FER: variants seen among roughly 807,000 people sequenced by gnomAD.
FER encodes the protein tyrosine-protein kinase Fer.
Under a neutral mutation model 111.0 loss-of-function variants are expected in FER, and 63 were observed. The observed-to-expected ratio is 0.57, with a 90% CI of 0.46 to 0.70. The LOEUF (loss-of-function observed/expected upper bound fraction) is 0.70. FER is among the 30% of genes least tolerant of loss of function. The pLI is 0.00. For synonymous variants in FER, 327 were observed against 313.9 expected, an observed-to-expected ratio of 1.04 and a Z score of -0.44; for missense variants, 914 against 954.0, an observed-to-expected ratio of 0.96 and a Z score of 0.55.
Position 109,034,093 on chromosome 5 carries a change from C to G in FER, c.1657-3329C>G, listed in dbSNP as rs190539946. On this transcript the variant is annotated intron_variant, in intron 13 of 19. Transcript: ENST00000281092. ...AATAGATCTTGGAAACTTACTCCTC[C>G]CATCTAACTGAGACTTTGTACCATT... Among the ~76,000 whole-genome samples, 81 of 152,234 alleles carry G rather than the reference C, an allele frequency of 5.3e-4. 2 individuals carry two copies. The East Asian group carries it at 0.014, about 26-fold the overall frequency.
intron 1 of FER, among the ~76,000 whole-genome samples, chr5:108,766,042 A>G (rs1350630877): frequency 6.6e-6 from 1 of 151,650 alleles, no homozygotes; most frequent in East Asian, 1.9e-4. Context: ...TGATCCTCCC[A>G]CCTTAGCCTC....
At chr5:108,930,669 G>T (rs1206448727) in intron 10 of FER, among the ~76,000 whole-genome samples, 2 of 135,196 alleles carry the variant, frequency 1.5e-5, no homozygotes, top group African/African-American at 5.7e-5. Context: ...CTCCCAGGCT[G>T]GTTGTGCCAT....
intron 3 of FER, among the ~76,000 whole-genome samples, chr5:108,824,843 A>G (rs1759280138): frequency 6.6e-6 from 1 of 152,072 alleles, no homozygotes; most frequent in South Asian, 2.1e-4. Flanking sequence ...CTATTTTCCT[A>G]AGCGTCGGCT....
chr5:109,189,238 A>C lies in FER; in HGVS notation c.*1663A>C, dbSNP rs1181450860. 1 of 121,654 alleles carries C rather than the reference A, an allele frequency of 8.2e-6. No individual in the cohort carries two copies. The highest frequency in any genetic ancestry group is 7.8e-5 in the Admixed American group (1 of 12,872). 7.5% of individuals were successfully genotyped at this position (121,654 alleles called of 1,614,324 possible). A position where few individuals can be genotyped will look rare whatever the true frequency, so the allele number is the denominator to read the frequency against. On this transcript the variant is annotated 3_prime_UTR_variant, in exon 20 of 20. Coordinates refer to ENST00000281092, the MANE Select transcript of FER (RefSeq NM_005246.4). ...GTTGCCTCTCAGGATAAATGCATAT[A>C]TAGAAGATGGTCATGCTCAGGGCTA...
intron 13 of FER, among the ~76,000 whole-genome samples, chr5:108,981,819 C>CT (rs1762040629): frequency 6.6e-6 from 1 of 152,054 alleles, no homozygotes; most frequent in Admixed American, 6.6e-5. Flanking sequence ...GACATTTTGA[C>CT]TTGAGGGTAT....
chr5:108,910,242 T>G (rs1451022667), intron 10 of FER, among the ~76,000 whole-genome samples: 2 of 152,202 alleles, frequency 1.3e-5, no homozygotes, highest in African/African-American at 4.8e-5. Context: ...TAGAAATTAA[T>G]GAACTGTTAA....
At chr5:108,886,173 A>G (rs1172648715) in intron 9 of FER, among the ~76,000 whole-genome samples, 1 of 151,764 alleles carries the variant, frequency 6.6e-6, no homozygotes, top group Non-Finnish European at 1.5e-5. Flanking sequence ...TCCCTAATCT[A>G]GAAGTTATGA....
chr5:109,084,220 T>G (rs544869735), intron 16 of FER, among the ~76,000 whole-genome samples: 1 of 152,066 alleles, frequency 6.6e-6, no homozygotes, highest in Non-Finnish European at 1.5e-5. Flanking sequence ...TAATTTTGCC[T>G]ATTTTTGAAC....
At chr5:109,053,527 C>T (rs986344815) in intron 16 of FER, among the ~76,000 whole-genome samples, 3 of 152,042 alleles carry the variant, frequency 2.0e-5, no homozygotes, top group Admixed American at 1.3e-4. Flanking sequence ...CACAGCCAAC[C>T]ACTAAGGTGC....
At chr5:108,984,719 A>C (rs1394081082) in intron 13 of FER, among the ~76,000 whole-genome samples, 1 of 150,772 alleles carries the variant, frequency 6.6e-6, no homozygotes, top group Non-Finnish European at 1.5e-5. Flanking sequence ...GTACGTGGGG[A>C]AACTGTAACA....
intron 9 of FER, among the ~76,000 whole-genome samples, chr5:108,887,428 G>A (rs894843668): frequency 1.3e-5 from 2 of 151,582 alleles, no homozygotes; most frequent in Admixed American, 1.3e-4. Flanking sequence ...TGGCTTTTAT[G>A]TGATTTTAAA....
intron 17 of FER, among the ~76,000 whole-genome samples, chr5:109,128,318 G>C (rs1023465010): frequency 2.0e-5 from 3 of 151,944 alleles, no homozygotes; most frequent in Non-Finnish European, 4.4e-5. Flanking sequence ...ACATTTGTAA[G>C]TGTAATAATG....
intron 13 of FER, among the ~76,000 whole-genome samples, chr5:109,011,431 TG>T (rs2149803960): frequency 6.6e-6 from 1 of 152,348 alleles, no homozygotes; most frequent in South Asian, 2.1e-4. Flanking sequence ...GTACATTAAC[TG>T]GAATTTGTTT....
chr5:109,119,215 T>C (rs1382095097), intron 17 of FER, among the ~76,000 whole-genome samples: 1 of 152,212 alleles, frequency 6.6e-6, no homozygotes, highest in Non-Finnish European at 1.5e-5. Flanking sequence ...TGTGTGTTTG[T>C]TCTCATTGGT....
intron 13 of FER, among the ~76,000 whole-genome samples, chr5:108,968,712 G>T (rs1760223433): frequency 6.6e-6 from 1 of 151,834 alleles, no homozygotes; most frequent in South Asian, 2.1e-4. Context: ...TTAGAAAAGG[G>T]AAAAATATAA....
At chr5:108,961,782 G>A (rs1238924226) in intron 13 of FER, among the ~76,000 whole-genome samples, 1 of 152,126 alleles carries the variant, frequency 6.6e-6, no homozygotes, top group Admixed American at 6.6e-5. Context: ...ATATGGATTT[G>A]TTATGGTGGT....
chr5:109,055,706 A>G (rs892758431), intron 16 of FER, among the ~76,000 whole-genome samples: 2 of 151,346 alleles, frequency 1.3e-5, no homozygotes, highest in Non-Finnish European at 2.9e-5. Context: ...AGTATTATTT[A>G]AGCCAGGGAG....
chr5:108,770,368 T>TAAA (rs1156282677), intron 2 of FER, among the ~76,000 whole-genome samples: 9 of 152,370 alleles, frequency 5.9e-5, no homozygotes, highest in African/African-American at 2.2e-4. Context: ...CTTGTGCTCT[T>TAAA]TTAAAAGAGA....
chr5:109,050,490 A>G (rs1301816872), intron 16 of FER, among the ~76,000 whole-genome samples: 1 of 152,198 alleles, frequency 6.6e-6, no homozygotes, highest in Non-Finnish European at 1.5e-5. Context: ...AGTGACTGTT[A>G]AATATTAAGC....
Sources: allele counts gnomAD v4.1 joint callset (sites outside exome capture counted in the v4.1 genomes callset), GRCh38; gene constraint gnomAD v4.1.1; transcripts MANE v1.5; gene names NCBI Gene and HGNC (gene_info 2026-07-23, HGNC 2026-07-21).